CADPS2: variants seen among roughly 807,000 people sequenced by gnomAD.
CADPS2 encodes the protein calcium dependent secretion activator 2, also known as calcium-dependent secretion activator 2.
A neutral mutation model predicts 172.5 loss-of-function variants in CADPS2; 93 were observed. The ratio of observed to expected loss-of-function variants is 0.54; its 90% CI spans 0.46 to 0.64. The LOEUF is 0.64. CADPS2 is among the 30% of genes least tolerant of loss of function. The pLI, the probability that CADPS2 is intolerant of heterozygous loss-of-function variation, is 0.00. For synonymous variants in CADPS2, 546 were observed against 555.2 expected, an observed-to-expected ratio of 0.98 and a Z score of 0.23; for missense variants, 1,420 against 1,565.9, an observed-to-expected ratio of 0.91 and a Z score of 1.57.
chr7:122,696,672 T>C (rs540424067), intron 2 of CADPS2, among the ~76,000 whole-genome samples: 4 of 152,172 alleles, frequency 2.6e-5, no homozygotes, highest in Non-Finnish European at 4.4e-5. Context: ...AAGCTGCTCA[T>C]TAAAATTATG....
At chr7:122,479,361 T>C (rs2057041124) in intron 12 of CADPS2, among the ~76,000 whole-genome samples, 6 of 152,242 alleles carry the variant, frequency 3.9e-5, no homozygotes, top group Admixed American at 2.6e-4. Context: ...TGAAAATTTA[T>C]AGGAAGTTAA....
chr7:122,401,608 AT>A (rs1186468086), intron 20 of CADPS2, among the ~76,000 whole-genome samples: 1 of 152,174 alleles, frequency 6.6e-6, no homozygotes, highest in African/African-American at 2.4e-5. Flanking sequence ...CATCGTGCCA[AT>A]TACTTCATTA....
At chr7:122,570,966 T>C (rs960046768) in intron 7 of CADPS2, among the ~76,000 whole-genome samples, 1 of 152,032 alleles carries the variant, frequency 6.6e-6, no homozygotes. Flanking sequence ...CACACCAGCA[T>C]GGCACATGTA....
chr7:122,746,637 ACAC>A, intron 1 of CADPS2, among the ~76,000 whole-genome samples: 1 of 150,292 alleles, frequency 6.7e-6, no homozygotes, highest in Non-Finnish European at 1.5e-5. Flanking sequence ...AGACACACAC[ACAC>A]AGACACACAC....
At chr7:122,543,629 T>G (rs2063323686) in intron 8 of CADPS2, among the ~76,000 whole-genome samples, 2 of 152,154 alleles carry the variant, frequency 1.3e-5, no homozygotes, top group South Asian at 4.1e-4. Context: ...GTTATAATTT[T>G]ATAGTAGGGA....
chr7:122,743,608 T>C (rs1053705278), intron 1 of CADPS2, among the ~76,000 whole-genome samples: 4 of 152,200 alleles, frequency 2.6e-5, no homozygotes, highest in Admixed American at 2.0e-4. Context: ...GGTGTGCATT[T>C]ACCTCATGTC....
rs942287582 is a variant in CADPS2 at position 122,441,969 on chromosome 7, G to A, written c.2289-394C>T. On this transcript the variant is annotated intron_variant, in intron 15 of 29. Transcript: ENST00000449022. ...CTCATTTCCTCCTGTGGCTACTTGT[G>A]GTTTAGGGTGGCCACATATACCACA... Among the ~76,000 whole-genome samples the A allele has an allele frequency of 4.6e-5, 7 of 152,252 alleles. No individual in the cohort carries two copies. In the South Asian group the frequency reaches 8.3e-4, roughly 18 times the overall value.
At chr7:122,325,380 T>G (rs1013285170) in intron 29 of CADPS2, 97 bp downstream of exon 29, 1 of 725,364 alleles carries the variant, frequency 1.4e-6, no homozygotes, top group Non-Finnish European at 2.4e-6. Flanking sequence ...AGTGATACTT[T>G]TTAGTTACAT....
intron 8 of CADPS2, among the ~76,000 whole-genome samples, chr7:122,526,173 G>T (rs960925750): frequency 7.5e-6 from 1 of 133,394 alleles, no homozygotes; most frequent in African/African-American, 3.0e-5. Flanking sequence ...GATATCCTTT[G>T]ATACACTTAT....
chr7:122,725,850 G>A (rs184681812), intron 2 of CADPS2, among the ~76,000 whole-genome samples: 76 of 151,924 alleles, frequency 5.0e-4, no homozygotes, highest in Non-Finnish European at 6.9e-4. Flanking sequence ...ACTGAAACAG[G>A]AAGTACTTAA....
intron 3 of CADPS2, among the ~76,000 whole-genome samples, chr7:122,642,188 G>A (rs1396116555): frequency 1.3e-5 from 2 of 151,166 alleles, no homozygotes; most frequent in South Asian, 4.2e-4. Context: ...ACTGAGGCAG[G>A]AGAATCACTT....
At chr7:122,712,323 G>C (rs551200401) in intron 2 of CADPS2, among the ~76,000 whole-genome samples, 5 of 152,138 alleles carry the variant, frequency 3.3e-5, no homozygotes, top group African/African-American at 1.2e-4. Context: ...CATGACTAAG[G>C]ACCTGCCATG....
intron 7 of CADPS2, among the ~76,000 whole-genome samples, chr7:122,569,378 A>C (rs1291098400): frequency 5.3e-5 from 8 of 151,990 alleles, no homozygotes; most frequent in Admixed American, 6.6e-5. Context: ...AAGGAAATAA[A>C]AGAAGATACA....
intron 24 of CADPS2, among the ~76,000 whole-genome samples, chr7:122,379,999 A>G (rs1374249485): frequency 6.6e-6 from 1 of 152,166 alleles, no homozygotes; most frequent in Non-Finnish European, 1.5e-5. Context: ...TTTCATCAAC[A>G]AAGGTGAATA....
In CADPS2 at chr7:122,337,758, GA is replaced by G. The variant is rs372572074; in HGVS notation, c.3612+7815del. On this transcript the variant is annotated intron_variant, in intron 28 of 29. Coordinates refer to ENST00000449022, the MANE Select transcript of CADPS2 (RefSeq NM_017954.11). Reference sequence around the variant, plus strand: ...GTTTTAAAGAGAAACAAACTTTAAGGAAAAAAAAAAAAAAAAGCTGAGGAGC... The same window carrying G: ...GTTTTAAAGAGAAACAAACTTTAAGGAAAAAAAAAAAAAAAGCTGAGGAGC... 1.8e-3 allele frequency among the ~76,000 whole-genome samples: 246 copies of G among 134,420 alleles called. 1 individual carries two copies. The highest frequency in any genetic ancestry group is 9.7e-3 in the South Asian group (41 of 4,242). The allele number at this position is 134,420 out of a possible 152,430, so 88.2% of individuals were successfully genotyped here.
At chr7:122,438,528 G>C (rs1563339505) in intron 16 of CADPS2, 64 bp from the exon 17 acceptor site, 2 of 1,542,092 alleles carry the variant, frequency 1.3e-6, no homozygotes, top group Admixed American at 3.6e-5. Context: ...GAAGAAAAAA[G>C]ACAGATGTTG....
intron 14 of CADPS2, among the ~76,000 whole-genome samples, chr7:122,465,445 G>C (rs1330121509): frequency 6.6e-6 from 1 of 152,154 alleles, no homozygotes; most frequent in Non-Finnish European, 1.5e-5. Flanking sequence ...TTTGGAACTG[G>C]GCCATACAGC....
intron 6 of CADPS2, among the ~76,000 whole-genome samples, chr7:122,608,012 A>T (rs1168706993): frequency 6.6e-6 from 1 of 151,970 alleles, no homozygotes; most frequent in Non-Finnish European, 1.5e-5. Context: ...AGGTCAAGAG[A>T]TCAAGACCAT....
intron 7 of CADPS2, 112 bp downstream of exon 7, chr7:122,581,067 T>C (rs1218663194): frequency 2.8e-6 from 2 of 707,828 alleles, no homozygotes; most frequent in East Asian, 2.6e-5. Context: ...CAAATTATTT[T>C]ATGTAATTTA....
Sources: allele counts gnomAD v4.1 joint callset (sites outside exome capture counted in the v4.1 genomes callset), GRCh38; gene constraint gnomAD v4.1.1; transcripts MANE v1.5; gene names NCBI Gene and HGNC (gene_info 2026-07-23, HGNC 2026-07-21).